The following CMC1 variants were observed in gnomAD, a reference collection of about 807,000 sequenced individuals.
The protein encoded by CMC1 is COX assembly mitochondrial protein homolog.
Under a neutral mutation model 14.1 loss-of-function variants are expected in CMC1, and 14 were observed. The observed-to-expected ratio is 0.99, with a 90% CI of 0.66 to 1.55. CMC1 has a LOEUF of 1.55. CMC1 is among the 40% of genes most tolerant of loss of function. The probability of loss-of-function intolerance (pLI) is 0.00; values close to 1 mark genes in which losing one functional copy is unlikely to be tolerated. For missense variants in CMC1, 127 were observed against 123.8 expected (o/e 1.03, Z -0.12); for synonymous variants, 50 against 38.4 (o/e 1.30, Z -1.12).
chr3:28,263,491 T>C (rs976925831), intron 2 of CMC1, 111 bp downstream of exon 2: 1 of 616,202 alleles, frequency 1.6e-6, no homozygotes, highest in Non-Finnish European at 2.7e-6. Flanking sequence ...TATGAATTGC[T>C]TCTCACCCTT....
At chr3:28,283,889 A>C (rs1467135488) in intron 2 of CMC1, among the ~76,000 whole-genome samples, 1 of 152,230 alleles carries the variant, frequency 6.6e-6, no homozygotes, top group Non-Finnish European at 1.5e-5. Flanking sequence ...AACCCTCTTT[A>C]AAAGCAGCTA....
intron 2 of CMC1, among the ~76,000 whole-genome samples, chr3:28,270,971 G>A (rs1009625164): frequency 2.8e-4 from 37 of 132,288 alleles, no homozygotes; most frequent in African/African-American, 1.1e-3. Context: ...TGCCCAAGCT[G>A]GAGTGCAATG....
At chr3:28,312,566 T>G (rs1702690678) in intron 2 of CMC1, among the ~76,000 whole-genome samples, 1 of 152,188 alleles carries the variant, frequency 6.6e-6, no homozygotes, top group Admixed American at 6.5e-5. Flanking sequence ...AGGAACCATA[T>G]TATTGGGGAT....
intron 2 of CMC1, among the ~76,000 whole-genome samples, chr3:28,293,303 G>C (rs1254055014): frequency 2.6e-5 from 4 of 151,602 alleles, no homozygotes; most frequent in African/African-American, 9.7e-5. Context: ...TACAAATAGA[G>C]GGACTTTTTT....
chr3:28,276,699 C>G (rs1700606169), intron 2 of CMC1, among the ~76,000 whole-genome samples: 1 of 152,162 alleles, frequency 6.6e-6, no homozygotes, highest in Non-Finnish European at 1.5e-5. Context: ...GAGCCTGACA[C>G]TGGTAAACAT....
chr3:28,259,585 T>C (rs781706583), intron 1 of CMC1, among the ~76,000 whole-genome samples: 1 of 152,192 alleles, frequency 6.6e-6, no homozygotes, highest in Non-Finnish European at 1.5e-5. Flanking sequence ...TTTTTTGTTG[T>C]TCTGTAATTA....
intron 2 of CMC1, among the ~76,000 whole-genome samples, chr3:28,282,042 C>G (rs1700924139): frequency 6.6e-6 from 1 of 152,134 alleles, no homozygotes; most frequent in Admixed American, 6.5e-5. Context: ...TAAAAAAAAT[C>G]AGAAGAATTT....
At chr3:28,253,238 C>G (rs1191207612) in intron 1 of CMC1, among the ~76,000 whole-genome samples, 1 of 152,146 alleles carries the variant, frequency 6.6e-6, no homozygotes, top group East Asian at 1.9e-4. Context: ...GTATATCATG[C>G]CTTCTTCCCG....
chr3:28,276,796 G>A (rs1002918000), intron 2 of CMC1, among the ~76,000 whole-genome samples: 10 of 152,186 alleles, frequency 6.6e-5, no homozygotes, highest in Non-Finnish European at 1.3e-4. Flanking sequence ...AACAAAGGAG[G>A]CATTTTGGTT....
chr3:28,291,966 T>A (rs1029177431), intron 2 of CMC1: 15 of 152,146 alleles, frequency 9.9e-5, no homozygotes, highest in African/African-American at 3.6e-4. Context: ...TGGGTAAAGG[T>A]TTTTTTATAC....
chr3:28,287,298 T>G (rs984619237), intron 2 of CMC1, among the ~76,000 whole-genome samples: 3 of 152,170 alleles, frequency 2.0e-5, no homozygotes, highest in Non-Finnish European at 4.4e-5. Flanking sequence ...TTAGTAAGAC[T>G]ATTTCTCTCA....
chr3:28,321,310 A>C lies in CMC1; in HGVS notation c.*1681A>C, dbSNP rs1164927215. The C allele has an allele frequency of 2.0e-5, 3 of 151,422 alleles. No homozygotes were observed. Among genetic ancestry groups the C allele is most frequent in the African/African-American group, 7.3e-5 (3 of 41,360 alleles). The allele number at this position is 151,422 out of a possible 1,614,324, so 9.4% of individuals were successfully genotyped here. Reference sequence around the variant, plus strand: ...ATGAAAATGGAAGAGTTACTTTAAGAAGCTAGTGAAATATACAATCTATTT... The same window carrying C: ...ATGAAAATGGAAGAGTTACTTTAAGCAGCTAGTGAAATATACAATCTATTT... On this transcript the variant is annotated 3_prime_UTR_variant, in exon 4 of 4. Coordinates refer to ENST00000466830, the MANE Select transcript of CMC1 (RefSeq NM_182523.2).
chr3:28,272,895 C>T (rs1314458073), intron 2 of CMC1, among the ~76,000 whole-genome samples: 2 of 152,024 alleles, frequency 1.3e-5, no homozygotes, highest in African/African-American at 4.8e-5. Context: ...CTATGTTGGC[C>T]AGGCTGGTCT....
At chr3:28,244,928 C>T in intron 1 of CMC1, among the ~76,000 whole-genome samples, 1 of 147,934 alleles carries the variant, frequency 6.8e-6, no homozygotes, top group Non-Finnish European at 1.5e-5. Flanking sequence ...TGTTTAAATT[C>T]CAGAATAAAA....
At chr3:28,253,195 A>C (rs1357424061) in intron 1 of CMC1, among the ~76,000 whole-genome samples, 1 of 152,162 alleles carries the variant, frequency 6.6e-6, no homozygotes, top group Non-Finnish European at 1.5e-5. Context: ...CTTAGTGAGA[A>C]CTAACAATTG....
chr3:28,322,743 G>A lies in CMC1; in HGVS notation c.*3114G>A, dbSNP rs1703224922. On this transcript the variant is annotated 3_prime_UTR_variant, in exon 4 of 4. Transcript: ENST00000466830. ...AATTCCATTAATCACAGACAAGCTT[G>A]AATAAGTGTAAGATAATAGAAAAAA... 6.6e-6 allele frequency: 1 copy of A among 151,538 alleles called. No individual in the cohort carries two copies. Among genetic ancestry groups the A allele is most frequent in the South Asian group, 2.1e-4 (1 of 4,826 alleles). The allele number at this position is 151,538 out of a possible 1,614,324, so 9.4% of individuals were successfully genotyped here. A position where few individuals can be genotyped will look rare whatever the true frequency, so the allele number is the denominator to read the frequency against.
At chr3:28,271,962 G>C (rs1391729557) in intron 2 of CMC1, among the ~76,000 whole-genome samples, 2 of 152,050 alleles carry the variant, frequency 1.3e-5, no homozygotes, top group Non-Finnish European at 2.9e-5. Context: ...TGTATTCCTA[G>C]GTATTTTATT....
At chr3:28,296,080 A>G (rs1384040322) in intron 2 of CMC1, among the ~76,000 whole-genome samples, 3 of 152,102 alleles carry the variant, frequency 2.0e-5, no homozygotes, top group Non-Finnish European at 2.9e-5. Context: ...CTGAGTACAC[A>G]TACATATGAA....
intron 2 of CMC1, among the ~76,000 whole-genome samples, chr3:28,275,240 C>T (rs141831094): frequency 4.4e-4 from 66 of 150,422 alleles, no homozygotes; most frequent in Non-Finnish European, 8.0e-4. Flanking sequence ...TATCTAGCTT[C>T]GGTCTTTGAT....
Sources: allele counts gnomAD v4.1 joint callset (sites outside exome capture counted in the v4.1 genomes callset), GRCh38; gene constraint gnomAD v4.1.1; transcripts MANE v1.5; gene names NCBI Gene and HGNC (gene_info 2026-07-23, HGNC 2026-07-21).